KIAA1549L: variants seen among roughly 807,000 people sequenced by gnomAD.
The protein encoded by KIAA1549L is UPF0606 protein KIAA1549L.
In KIAA1549L, 88 loss-of-function variants were observed where a neutral mutation model predicts 160.7. The ratio of observed to expected loss-of-function variants is 0.55; its 90% confidence interval spans 0.46 to 0.65. KIAA1549L has a LOEUF of 0.65. Among genes scored for constraint, KIAA1549L ranks in the 30% least tolerant of loss-of-function variants. The pLI is 0.00. For missense variants in KIAA1549L, 2,258 were observed against 2,437.5 expected, an observed-to-expected ratio of 0.93 and a Z score of 1.55; for synonymous variants, 950 against 976.7, an observed-to-expected ratio of 0.97 and a Z score of 0.51.
rs983574668 is a variant in KIAA1549L, at chr11:33,380,351, C to T, written c.238+3462C>T. On this transcript the variant is annotated intron_variant, in intron 1 of 20. Transcript: ENST00000658780. Reference sequence around the variant, plus strand: ...TCTGTTAGATTTTAGAATACTGTCTCATTTAAATAATTCACAGTAAGTTGT... The same window carrying T: ...TCTGTTAGATTTTAGAATACTGTCTTATTTAAATAATTCACAGTAAGTTGT... Among the ~76,000 whole-genome samples the T allele has an allele frequency of 3.3e-5, 5 of 152,154 alleles. No homozygotes were observed. In the East Asian group the frequency reaches 7.7e-4, roughly 23 times the overall value.
chr11:33,648,330 T>C (rs1337746840), intron 17 of KIAA1549L, among the ~76,000 whole-genome samples: 1 of 152,062 alleles, frequency 6.6e-6, no homozygotes, highest in Admixed American at 6.5e-5. Context: ...TCTTTTGTTA[T>C]TAAGGTTTCC....
intron 1 of KIAA1549L, among the ~76,000 whole-genome samples, chr11:33,504,902 G>A (rs1367311039): frequency 6.6e-6 from 1 of 152,208 alleles, no homozygotes; most frequent in Non-Finnish European, 1.5e-5. Flanking sequence ...CAGTAGCTGA[G>A]ACTACAGGCA....
chr11:33,587,117 A>C (rs1349484215), intron 11 of KIAA1549L, among the ~76,000 whole-genome samples: 3 of 152,224 alleles, frequency 2.0e-5, no homozygotes, highest in Non-Finnish European at 4.4e-5. Flanking sequence ...TAATATATAT[A>C]CATCACTTTG....
chr11:33,447,976 C>T (rs1335802944), intron 1 of KIAA1549L, among the ~76,000 whole-genome samples: 1 of 152,172 alleles, frequency 6.6e-6, no homozygotes, highest in Non-Finnish European at 1.5e-5. Context: ...AGAGCATGGC[C>T]TTGCCTCGCC....
At chr11:33,601,327 C>T (rs781692253) in intron 13 of KIAA1549L, among the ~76,000 whole-genome samples, 2 of 152,164 alleles carry the variant, frequency 1.3e-5, no homozygotes, top group African/African-American at 2.4e-5. Flanking sequence ...TAAAACTCAA[C>T]AGACATCAGA....
chr11:33,539,208 C>A (rs977068122), intron 1 of KIAA1549L, among the ~76,000 whole-genome samples: 4 of 152,212 alleles, frequency 2.6e-5, no homozygotes, highest in African/African-American at 9.6e-5. Flanking sequence ...AGAAATATCC[C>A]AAACATATTG....
intron 3 of KIAA1549L, among the ~76,000 whole-genome samples, chr11:33,545,624 A>G (rs1029280577): frequency 6.6e-6 from 1 of 152,184 alleles, no homozygotes; most frequent in African/African-American, 2.4e-5. Flanking sequence ...AGCCCCAACA[A>G]CAAAGATTTA....
chr11:33,624,466 C>T (rs1465196880), intron 16 of KIAA1549L, among the ~76,000 whole-genome samples: 2 of 152,190 alleles, frequency 1.3e-5, no homozygotes, highest in African/African-American at 2.4e-5. Context: ...TTGGGAATTG[C>T]CATTCCTTTT....
At chr11:33,414,479 A>T (rs1389847589) in intron 1 of KIAA1549L, among the ~76,000 whole-genome samples, 1 of 152,200 alleles carries the variant, frequency 6.6e-6, no homozygotes, top group Non-Finnish European at 1.5e-5. Context: ...CATATAAATC[A>T]TTGGTTACAT....
At chr11:33,529,055 G>A (rs904535752) in intron 1 of KIAA1549L, among the ~76,000 whole-genome samples, 43 of 152,130 alleles carry the variant, frequency 2.8e-4, no homozygotes, top group African/African-American at 1.0e-3. Context: ...GAATTTATTG[G>A]CTAGGCATGG....
chr11:33,635,574 G>A (rs1055186353), intron 16 of KIAA1549L, among the ~76,000 whole-genome samples: 3 of 152,172 alleles, frequency 2.0e-5, no homozygotes, highest in African/African-American at 4.8e-5. Flanking sequence ...GAAAGTGTGG[G>A]CTTGTAAAAC....
chr11:33,532,188 G>C (rs150865908), intron 1 of KIAA1549L, among the ~76,000 whole-genome samples: 48 of 152,316 alleles, frequency 3.2e-4, no homozygotes, highest in African/African-American at 1.1e-3. Flanking sequence ...AGATAATCTT[G>C]ATTCTCTATC....
chr11:33,542,526 A>T lies in KIAA1549L; in HGVS notation c.963A>T (p.Ser321=). 1 of 1,613,974 alleles carries T rather than the reference A, an allele frequency of 6.2e-7. No individual in the cohort carries two copies. The highest frequency in any genetic ancestry group is 8.5e-7 in the Non-Finnish European group (1 of 1,179,872). The change falls in exon 2 of 21, where the codon TCA becomes TCT. Residue 321 remains serine, a synonymous_variant. Transcript: ENST00000658780. ...CTCATCTAGGTGTTTCTGGATCCTC[A>T]ACAAAATGGCATTCCGAGCTGTCCC... is the stretch of plus-strand genomic sequence containing the variant. ...GIPHLGVSGS[S]TKWHSELSPT... is the part of the protein sequence containing the mutation.
rs113452695 is a variant in KIAA1549L at position 33,485,573 on chromosome 11, A to G, written c.239-56229A>G. ...GGTGTACAATATGATGATTATGTAT[A>G]CATTGTGGAATGACTAGATAAAGCT... On this transcript the variant is annotated intron_variant, in intron 1 of 20. Transcript: ENST00000658780. Among the ~76,000 whole-genome samples the G allele has an allele frequency of 1.3e-5, 2 of 152,332 alleles. 1 individual carries two copies. Among genetic ancestry groups the G allele is most frequent in the African/African-American group, 4.8e-5 (2 of 41,574 alleles).
chr11:33,569,116 C>T (rs1221400630), intron 9 of KIAA1549L, among the ~76,000 whole-genome samples: 1 of 152,156 alleles, frequency 6.6e-6, no homozygotes, highest in Non-Finnish European at 1.5e-5. Context: ...AAACTAGAAG[C>T]GCTCAGCTCT....
chr11:33,553,172 T>A (rs1018370033), intron 6 of KIAA1549L, among the ~76,000 whole-genome samples: 3 of 152,168 alleles, frequency 2.0e-5, no homozygotes, highest in South Asian at 4.1e-4. Context: ...AAAAATTTTT[T>A]AATTATTTGT....
At chr11:33,458,332 G>T (rs1336325840) in intron 1 of KIAA1549L, among the ~76,000 whole-genome samples, 4 of 152,218 alleles carry the variant, frequency 2.6e-5, no homozygotes, top group Non-Finnish European at 5.9e-5. Flanking sequence ...TGGCATGTGG[G>T]CCACCATTTG....
chr11:33,543,134 C>G lies in KIAA1549L; in HGVS notation c.1571C>G (p.Pro524Arg). ...HASPSPVPEM[P>R]TLPAEGSDGS... Reference sequence around the variant, plus strand: ...TCCCCATCTCCTGTGCCAGAAATGCCCACTCTTCCAGCAGAGGGCAGTGAT... The same window carrying G: ...TCCCCATCTCCTGTGCCAGAAATGCGCACTCTTCCAGCAGAGGGCAGTGAT... The change falls in exon 2 of 21, where the codon CCC becomes CGC. Residue 524 changes from proline to arginine, a missense_variant. Coordinates refer to ENST00000658780, the MANE Select transcript of KIAA1549L (RefSeq NM_012194.3). 1 of 1,613,854 alleles carries G rather than the reference C, an allele frequency of 6.2e-7. No homozygotes were observed. The highest frequency in any genetic ancestry group is 8.5e-7 in the Non-Finnish European group (1 of 1,179,892).
At chr11:33,596,720 CA>C (rs1237221163) in intron 12 of KIAA1549L, among the ~76,000 whole-genome samples, 12 of 152,310 alleles carry the variant, frequency 7.9e-5, no homozygotes, top group South Asian at 6.2e-4. Flanking sequence ...GGCTGGGTGA[CA>C]GATCAAGACT....
Sources: gnomAD v4.1 joint callset for allele counts (sites outside exome capture counted in the v4.1 genomes callset) on GRCh38, gnomAD v4.1.1 for gene constraint, MANE v1.5 for transcripts, NCBI Gene and HGNC (gene_info 2026-07-23, HGNC 2026-07-21) for gene names.